Variants in SGK2 observed in about 807,000 individuals in gnomAD.
SGK2 encodes serum/glucocorticoid regulated kinase 2.
In SGK2, 36 loss-of-function variants were observed where a neutral mutation model predicts 47.5. That is an observed-to-expected ratio of 0.76 (90% CI 0.58 to 1.00). SGK2 has a LOEUF of 1.00. Among genes scored for constraint, SGK2 ranks in the 50% least tolerant of loss-of-function variants. The pLI is 0.00. For synonymous variants in SGK2, 157 were observed against 181.9 expected (o/e 0.86, Z 1.10); for missense variants, 404 against 467.4 (o/e 0.86, Z 1.25).
intron 5 of SGK2, 69 bp downstream of exon 5, chr20:43,568,068 G>A: frequency 7.6e-7 from 1 of 1,313,624 alleles, no homozygotes; most frequent in Non-Finnish European, 1.1e-6. Context: ...GGCTTTCAAA[G>A]ATGGGTCCCA....
At position 43,583,524 on chromosome 20, in the gene SGK2, C is replaced by T. The variant is rs1453205323; in HGVS notation, c.940-1328C>T. 4.4e-6 allele frequency: 5 copies of T among 1,139,816 alleles called. No individual in the cohort carries two copies. The East Asian group carries it at 3.4e-4, about 78-fold the overall frequency. The allele number at this position is 1,139,816 out of a possible 1,614,324, so 70.6% of individuals were successfully genotyped here. On this transcript the variant is annotated intron_variant, in intron 12 of 12. Transcript: ENST00000373100. ...GCTAGAAACTGTGATCTGTTTGGCT[C>T]CATAGCCCGACTTGCACACTAAAGC... is the stretch of plus-strand genomic sequence containing the variant.
At chr20:43,565,644 G>T (rs576070379) in intron 1 of SGK2, 1 of 152,210 alleles carries the variant, frequency 6.6e-6, no homozygotes. Flanking sequence ...CTTGAGATGC[G>T]CGGCAACTGG....
chr20:43,569,423 G>A lies in SGK2; in HGVS notation c.267G>A (p.Lys89=), dbSNP rs761732744. 6.2e-7 allele frequency: 1 copy of A among 1,614,034 alleles called. No individual in the cohort carries two copies. The highest frequency in any genetic ancestry group is 1.1e-5 in the South Asian group (1 of 91,086). Residue 89 remains lysine (K), a synonymous_variant, in exon 6 of 13, where the codon AAG becomes AAA. Coordinates refer to ENST00000373100, the MANE Select transcript of SGK2 (RefSeq NM_170693.3). ...HIMAERSVLL[K]NVRHPFLVGL... is the part of the protein sequence containing the mutation. ...TGGCAGAGCGCAGTGTGCTTCTGAA[G>A]AACGTGCGGCACCCCTTCCTCGTGG...
At chr20:43,566,083 C>G (rs1197175436) in intron 1 of SGK2, 12 of 433,810 alleles carry the variant, frequency 2.8e-5, no homozygotes, top group Non-Finnish European at 4.1e-5. Flanking sequence ...GGCCTTCCAT[C>G]TGTGAAATGG....
chr20:43,561,726 C>CAAG (rs1979397458), intron 1 of SGK2, among the ~76,000 whole-genome samples: 2 of 141,438 alleles, frequency 1.4e-5, no homozygotes, highest in Non-Finnish European at 3.1e-5. Context: ...TGAGAAACCA[C>CAAG]TGGAGTTTTT....
rs1224650250 is a variant in SGK2, at chr20:43,567,097, G to C, written c.66G>C (p.Leu22=). The C allele has an allele frequency of 6.2e-7, 1 of 1,613,926 alleles. No individual in the cohort carries two copies. Among genetic ancestry groups the C allele is most frequent in the Non-Finnish European group, 8.5e-7 (1 of 1,179,908 alleles). ...QPSRANGNIN[L]GPSANPNAQP... ...CCAGGGCCAATGGGAACATCAACCT[G>C]GGGCCTTCAGCCAACCCAAAGTGAG... The change falls in exon 3 of 13, where the codon CTG becomes CTC. Residue 22 remains leucine (L), a synonymous_variant. Coordinates refer to ENST00000373100, the MANE Select transcript of SGK2 (RefSeq NM_170693.3).
chr20:43,561,873 G>A (rs984720974), intron 1 of SGK2, among the ~76,000 whole-genome samples: 14 of 152,156 alleles, frequency 9.2e-5, no homozygotes, highest in South Asian at 2.1e-4. Context: ...GTGACAATGG[G>A]GGCTCAGGCA....
At chr20:43,575,040 G>A in intron 10 of SGK2, 36 bp downstream of exon 10, 1 of 1,423,988 alleles carries the variant, frequency 7.0e-7, no homozygotes, top group African/African-American at 1.4e-5. Flanking sequence ...GGGCCATCTG[G>A]CTAGGGATGG....
At position 43,566,402 on chromosome 20, in the gene SGK2, G is replaced by GA. The variant is rs763975349; in HGVS notation, c.-23-69dup. The stretch of plus-strand genomic sequence containing the variant: ...GAGGATGGAGAGGGCAGTGGTGCCT[G>GA]AAGCCCTGGATGGGCGGAGCTGACC... On this transcript the variant is annotated intron_variant, in intron 1 of 12. Coordinates refer to ENST00000373100, the MANE Select transcript of SGK2 (RefSeq NM_170693.3). 1.4e-5 allele frequency: 22 copies of GA among 1,614,222 alleles called. No individual in the cohort carries two copies. In the African/African-American group the frequency reaches 2.7e-4, roughly 20 times the overall value.
Position 43,569,500 on chromosome 20 carries a change from A to C in SGK2, c.344A>C (p.Tyr115Ser), listed in dbSNP as rs894730265. The change falls in exon 6 of 13, where the codon TAT becomes TCT. Residue 115 changes from tyrosine to serine, a missense_variant. Physicochemically the swap from Tyr to Ser is moderately radical, Grantham distance 144. Coordinates refer to ENST00000373100, the MANE Select transcript of SGK2 (RefSeq NM_170693.3). ...TPEKLYFVLDYVNGGELFFHL... is the reference protein window; with the variant it reads ...TPEKLYFVLDSVNGGELFFHL... ...GAGAAGCTCTACTTCGTGCTCGACTATGTCAACGGGGGAGAGGTGGGTGGG... is the reference window on the plus strand; with the variant it reads ...GAGAAGCTCTACTTCGTGCTCGACTCTGTCAACGGGGGAGAGGTGGGTGGG... 5 of 1,612,676 alleles carry C rather than the reference A, an allele frequency of 3.1e-6. No homozygotes were observed. The African/African-American group carries it at 6.7e-5, about 22-fold the overall frequency.
intron 7 of SGK2, 82 bp from the exon 8 acceptor site, chr20:43,570,942 G>T: frequency 1.2e-6 from 2 of 1,604,154 alleles, no homozygotes; most frequent in Non-Finnish European, 1.7e-6. Context: ...TCTCCTGCCA[G>T]GACCACCCCC....
chr20:43,570,834 C>G, intron 7 of SGK2, 105 bp downstream of exon 7: 3 of 1,277,238 alleles, frequency 2.3e-6, no homozygotes, highest in Non-Finnish European at 2.2e-6. Flanking sequence ...GGACTTGGTC[C>G]TTTGTTTTGG....
intron 11 of SGK2, among the ~76,000 whole-genome samples, chr20:43,577,733 T>C: frequency 6.6e-6 from 1 of 150,800 alleles, no homozygotes; most frequent in African/African-American, 2.4e-5. Flanking sequence ...AACCTCCATC[T>C]CCCAGGTTCA....
At chr20:43,575,272 G>C (rs1980394642) in intron 10 of SGK2, among the ~76,000 whole-genome samples, 4 of 152,096 alleles carry the variant, frequency 2.6e-5, no homozygotes, top group Admixed American at 2.6e-4. Flanking sequence ...AGACCAGCCT[G>C]GCTAACATGA....
At chr20:43,574,081 G>T (rs8124776) in intron 9 of SGK2, among the ~76,000 whole-genome samples, 14 of 152,286 alleles carry the variant, frequency 9.2e-5, no homozygotes, top group Non-Finnish European at 1.5e-4. Context: ...GAAAAAACCA[G>T]GGTCTGAGAG....
intron 8 of SGK2, 91 bp from the exon 9 acceptor site, chr20:43,571,960 C>A: frequency 1.2e-6 from 1 of 850,446 alleles, no homozygotes; most frequent in South Asian, 1.6e-5. Flanking sequence ...CAGCTGCTGC[C>A]CTGGGGTGTG....
At chr20:43,575,875 G>T (rs1980431385) in intron 10 of SGK2, among the ~76,000 whole-genome samples, 1 of 152,194 alleles carries the variant, frequency 6.6e-6, no homozygotes, top group Non-Finnish European at 1.5e-5. Flanking sequence ...ATTGCTCTGA[G>T]CCTTGTTTTC....
intron 3 of SGK2, among the ~76,000 whole-genome samples, chr20:43,567,395 T>C (rs1979797613): frequency 6.6e-6 from 1 of 152,234 alleles, no homozygotes; most frequent in Non-Finnish European, 1.5e-5. Flanking sequence ...CTGCCTTCTA[T>C]GCAGGCCTTC....
rs754437498 is a variant in SGK2, at chr20:43,572,672, C to A, written c.597+535C>A. ...AGCCTGGGCAACAAGAGTGAAACTCCATCTCAAAAAAAAAGAAAAAAGAAA... is the reference window on the plus strand; with the variant it reads ...AGCCTGGGCAACAAGAGTGAAACTCAATCTCAAAAAAAAAGAAAAAAGAAA... On this transcript the variant is annotated intron_variant, in intron 9 of 12. Transcript: ENST00000373100. The surrounding 1 kb of genome is among the most constrained non-coding windows in gnomAD (Gnocchi z 4.2). Among the ~76,000 whole-genome samples the A allele has an allele frequency of 6.6e-6, 1 of 151,544 alleles. No homozygotes were observed. The highest frequency in any genetic ancestry group is 1.5e-5 in the Non-Finnish European group (1 of 67,914).
Sources: gnomAD v4.1 joint callset for allele counts (sites outside exome capture counted in the v4.1 genomes callset) on GRCh38, gnomAD v4.1.1 for gene constraint, Gnocchi (gnomAD v3.1) non-coding constraint, MANE v1.5 for transcripts, NCBI Gene and HGNC (gene_info 2026-07-23, HGNC 2026-07-21) for gene names.